The following AVEN variants were observed in gnomAD, a reference collection of about 807,000 sequenced individuals.
AVEN encodes the protein apoptosis and caspase activation inhibitor.
AVEN carries 41 observed loss-of-function variants against 38.1 expected under a neutral mutation model. The ratio of observed to expected loss-of-function variants is 1.08; its 90% CI spans 0.84 to 1.40. AVEN has a LOEUF of 1.40. Among genes scored for constraint, AVEN ranks in the 40% most tolerant of loss-of-function variants. The pLI, the probability that AVEN is intolerant of heterozygous loss-of-function variation, is 0.00. For synonymous variants in AVEN, 206 were observed against 171.8 expected (o/e 1.20, Z -1.56); for missense variants, 605 against 438.8 (o/e 1.38, Z -3.38).
chr15:33,946,948 G>C (rs1392168431), intron 2 of AVEN, among the ~76,000 whole-genome samples: 5 of 152,272 alleles, frequency 3.3e-5, no homozygotes, highest in African/African-American at 9.6e-5. Flanking sequence ...TCCCACCAGA[G>C]TTTCTGATTT....
intron 2 of AVEN, among the ~76,000 whole-genome samples, chr15:33,936,195 T>C (rs1597249063): frequency 6.7e-6 from 1 of 148,324 alleles, no homozygotes; most frequent in Non-Finnish European, 1.5e-5. Context: ...TCATGCAAAA[T>C]CGATAAGAAA....
At chr15:33,903,098 T>C (rs539862319) in intron 2 of AVEN, among the ~76,000 whole-genome samples, 4 of 152,316 alleles carry the variant, frequency 2.6e-5, no homozygotes, top group African/African-American at 9.6e-5. Flanking sequence ...TTTTCCAGCA[T>C]CTCTTGCTCT....
At chr15:34,074,275 G>C (rs557393508) in intron 1 of AVEN, among the ~76,000 whole-genome samples, 2 of 151,976 alleles carry the variant, frequency 1.3e-5, no homozygotes, top group Non-Finnish European at 1.5e-5. Flanking sequence ...TGGGATTACA[G>C]ACATGAGCCA....
intron 2 of AVEN, among the ~76,000 whole-genome samples, chr15:33,917,189 T>A (rs1051358005): frequency 6.6e-6 from 1 of 152,022 alleles, no homozygotes; most frequent in Non-Finnish European, 1.5e-5. Context: ...AAAGCAGAAC[T>A]ACCATTTGAT....
At chr15:33,859,484 C>T (rs117620972) in intron 11 of AVEN, 6 of 1,473,086 alleles carry the variant, frequency 4.1e-6, no homozygotes, top group South Asian at 1.2e-5. Flanking sequence ...AGGGCTGCCA[C>T]AATCTGACCG....
At chr15:33,953,993 A>G (rs1861859509) in intron 2 of AVEN, among the ~76,000 whole-genome samples, 1 of 152,240 alleles carries the variant, frequency 6.6e-6, no homozygotes, top group Non-Finnish European at 1.5e-5. Flanking sequence ...TGGGCAAAGG[A>G]TATGAACAGA....
chr15:33,861,252 C>G (rs896391387), downstream of AVEN: 31 of 1,112,106 alleles, frequency 2.8e-5, no homozygotes, highest in South Asian at 6.7e-5. Context: ...ATAGTTCAGT[C>G]TCTGCTGGAA....
At chr15:33,947,998 A>G (rs1444927394) in intron 2 of AVEN, among the ~76,000 whole-genome samples, 1 of 152,176 alleles carries the variant, frequency 6.6e-6, no homozygotes, top group Non-Finnish European at 1.5e-5. Context: ...GTGTAAACAC[A>G]CTCAAGTATA....
chr15:34,021,917 A>G (rs1440287996), intron 1 of AVEN, among the ~76,000 whole-genome samples: 1 of 152,208 alleles, frequency 6.6e-6, no homozygotes, highest in African/African-American at 2.4e-5. Flanking sequence ...TAACATGAAA[A>G]AGAAGTGAGC....
At chr15:33,918,909 T>C (rs978009179) in intron 2 of AVEN, among the ~76,000 whole-genome samples, 7 of 148,698 alleles carry the variant, frequency 4.7e-5, no homozygotes, top group Middle Eastern at 7.0e-3. Flanking sequence ...AAATAGCCCA[T>C]GCCTCTGCTT....
intron 4 of AVEN, 108 bp from the exon 5 acceptor site, chr15:33,867,963 A>G: frequency 7.1e-7 from 1 of 1,407,506 alleles, no homozygotes; most frequent in African/African-American, 1.4e-5. Flanking sequence ...GACAGAGGAA[A>G]CTCAATTCAG....
At chr15:34,068,118 GTA>G (rs1181631221) in intron 2 of AVEN, among the ~76,000 whole-genome samples, 5 of 140,960 alleles carry the variant, frequency 3.5e-5, no homozygotes, top group South Asian at 4.7e-4. Context: ...TGCTCTCTCT[GTA>G]TGTGTGTGTG....
chr15:33,873,416 C>T (rs556470427), intron 3 of AVEN, among the ~76,000 whole-genome samples: 160 of 148,898 alleles, frequency 1.1e-3, no homozygotes, highest in African/African-American at 3.8e-3. Context: ...TATTGTCTTG[C>T]GTCACTGGTC....
At chr15:33,930,488 G>A (rs1893800654) in intron 2 of AVEN, among the ~76,000 whole-genome samples, 1 of 152,116 alleles carries the variant, frequency 6.6e-6, no homozygotes, top group South Asian at 2.1e-4. Context: ...CTCATAAATT[G>A]TAATCCATAA....
At chr15:34,051,084 G>A (rs1899911798) in intron 5 of AVEN, among the ~76,000 whole-genome samples, 2 of 152,150 alleles carry the variant, frequency 1.3e-5, no homozygotes, top group East Asian at 3.9e-4. Context: ...CTCTAAAACT[G>A]ATTACATAAT....
chr15:33,920,115 T>G (rs1052204390), intron 2 of AVEN, among the ~76,000 whole-genome samples: 1 of 152,090 alleles, frequency 6.6e-6, no homozygotes, highest in Non-Finnish European at 1.5e-5. Context: ...ATTAATGAGA[T>G]TTCTTCTTCT....
chr15:33,957,960 T>G (rs1567433350), intron 2 of AVEN, among the ~76,000 whole-genome samples: 1 of 152,148 alleles, frequency 6.6e-6, no homozygotes, highest in Non-Finnish European at 1.5e-5. Context: ...TTCTCAGTCC[T>G]CACCCCAGAT....
At chr15:34,041,682 A>C (rs1484949074), upstream of AVEN, among the ~76,000 whole-genome samples, 1 of 152,186 alleles carries the variant, frequency 6.6e-6, no homozygotes, top group African/African-American at 2.4e-5. Flanking sequence ...TTTAACACTT[A>C]TTTTGCACCT....
intron 2 of AVEN, among the ~76,000 whole-genome samples, chr15:33,887,227 G>A (rs1451198901): frequency 6.6e-6 from 1 of 152,100 alleles, no homozygotes; most frequent in Non-Finnish European, 1.5e-5. Context: ...TCTGTGACAA[G>A]TTATGGGACC....
Sources: allele counts gnomAD v4.1 joint callset (sites outside exome capture counted in the v4.1 genomes callset), GRCh38; gene constraint gnomAD v4.1.1; transcripts MANE v1.5; gene names NCBI Gene and HGNC (gene_info 2026-07-23, HGNC 2026-07-21).